SATL1: variants seen among roughly 807,000 people sequenced by gnomAD.
SATL1 encodes the protein spermidine/spermine N1-acetyl transferase like 1.
A neutral mutation model predicts 51.8 loss-of-function variants in SATL1; 47 were observed. The ratio of observed to expected loss-of-function variants is 0.91; its 90% confidence interval spans 0.72 to 1.16. The LOEUF is 1.16. Among genes scored for constraint, SATL1 ranks in the 50% most tolerant of loss-of-function variants. The pLI is 0.00. For synonymous variants in SATL1, 176 were observed against 182.4 expected, an observed-to-expected ratio of 0.97 and a Z score of 0.28; for missense variants, 520 against 526.4, an observed-to-expected ratio of 0.99 and a Z score of 0.12.
chrX:85,122,570 C>G (rs1232886532), intron 2 of SATL1, among the ~76,000 whole-genome samples: 1 of 110,715 alleles, frequency 9.0e-6, no homozygotes, highest in Non-Finnish European at 1.9e-5. Context: ...CAGAGCCTGG[C>G]ATATTGTAAG....
At chrX:85,130,802 C>T (rs1028515811) in intron 2 of SATL1, among the ~76,000 whole-genome samples, 3 of 112,036 alleles carry the variant, frequency 2.7e-5, no homozygotes, top group Non-Finnish European at 5.6e-5. Context: ...AAATTTCCCT[C>T]TACACACTGC....
At chrX:85,136,993 C>G (rs952389854) in intron 2 of SATL1, among the ~76,000 whole-genome samples, 16 of 111,459 alleles carry the variant, frequency 1.4e-4, no homozygotes, top group Non-Finnish European at 2.1e-4. Flanking sequence ...TGTTTAAATA[C>G]TACTGGGAAG....
At chrX:85,166,155 A>G (rs2147731272) in intron 2 of SATL1, among the ~76,000 whole-genome samples, 1 of 111,640 alleles carries the variant, frequency 9.0e-6, no homozygotes, top group East Asian at 2.8e-4. Flanking sequence ...TAAATCTAAG[A>G]CCCCAAACCA....
intron 2 of SATL1, among the ~76,000 whole-genome samples, chrX:85,172,088 CCAATTATCTTATATCTTCTTTCCTT>C (rs1236659890): frequency 9.0e-6 from 1 of 111,314 alleles, no homozygotes; most frequent in Non-Finnish European, 1.9e-5. Context: ...AAATTATCAA[CCAATTATCTTATATCTTCTTTCCTT>C]CAATTATCTT....
chrX:85,147,093 T>G (rs893907078), intron 2 of SATL1, among the ~76,000 whole-genome samples: 2 of 114,008 alleles, frequency 1.8e-5, no homozygotes. Flanking sequence ...GGACGGCACC[T>G]GGAAAATCGG....
chrX:85,122,539 T>C (rs1925530782), intron 2 of SATL1, among the ~76,000 whole-genome samples: 2 of 111,532 alleles, frequency 1.8e-5, no homozygotes, highest in Non-Finnish European at 3.8e-5. Context: ...ACCCTGCCTG[T>C]GTTGCTTACC....
chrX:85,093,144 A>G, intron 7 of SATL1, 41 bp downstream of exon 7: 4 of 1,101,249 alleles, frequency 3.6e-6, no homozygotes, highest in Non-Finnish European at 4.9e-6. Context: ...TATTAAGAAA[A>G]GGTTAATGTA....
At chrX:85,105,130 T>C (rs1209600019) in intron 3 of SATL1, among the ~76,000 whole-genome samples, 2 of 111,831 alleles carry the variant, frequency 1.8e-5, no homozygotes, top group Non-Finnish European at 3.8e-5. Flanking sequence ...TGACTGGAAT[T>C]GCATTAAACT....
intron 2 of SATL1, among the ~76,000 whole-genome samples, chrX:85,162,624 C>T: frequency 9.0e-6 from 1 of 111,246 alleles, no homozygotes; most frequent in Middle Eastern, 4.6e-3. Context: ...TTTCAGTTCT[C>T]ATTGGGAATG....
chrX:85,117,873 A>C (rs910235664), intron 2 of SATL1, among the ~76,000 whole-genome samples: 1 of 110,542 alleles, frequency 9.0e-6, no homozygotes, highest in Non-Finnish European at 1.9e-5. Flanking sequence ...TCTTTTCCAG[A>C]TATCATCAGC....
intron 4 of SATL1, among the ~76,000 whole-genome samples, chrX:85,100,417 ATAAAT>A (rs1486838428): frequency 8.9e-6 from 1 of 111,851 alleles, no homozygotes; most frequent in African/African-American, 3.2e-5. Context: ...AAACCAAAAA[ATAAAT>A]TAAGAAAGCA....
intron 2 of SATL1, among the ~76,000 whole-genome samples, chrX:85,172,872 A>G (rs915995835): frequency 1.8e-5 from 2 of 111,029 alleles, no homozygotes; most frequent in Non-Finnish European, 3.8e-5. Flanking sequence ...TTAGTTTTGT[A>G]CCTCTATAAG....
At chrX:85,217,523 G>C (rs986889498) in intron 2 of SATL1, among the ~76,000 whole-genome samples, 1 of 111,379 alleles carries the variant, frequency 9.0e-6, no homozygotes, top group African/African-American at 3.3e-5. Flanking sequence ...AGTTCCTTAG[G>C]AAAAGCCGTG....
chrX:85,137,665 C>G (rs1925995984), intron 2 of SATL1, among the ~76,000 whole-genome samples: 1 of 111,622 alleles, frequency 9.0e-6, no homozygotes, highest in South Asian at 3.7e-4. Flanking sequence ...GCTTAGTATT[C>G]TCTGAGATTC....
At chrX:85,204,101 G>A (rs893838118) in intron 2 of SATL1, among the ~76,000 whole-genome samples, 8 of 111,724 alleles carry the variant, frequency 7.2e-5, no homozygotes, top group African/African-American at 2.6e-4. Context: ...GAGTGGGTTT[G>A]CAAGGAGATC....
intron 2 of SATL1, among the ~76,000 whole-genome samples, chrX:85,215,449 T>A (rs1402966638): frequency 8.9e-6 from 1 of 112,229 alleles, no homozygotes; most frequent in Non-Finnish European, 1.9e-5. Flanking sequence ...ATGGCCAGGC[T>A]GCAAATTTTC....
intron 2 of SATL1, among the ~76,000 whole-genome samples, chrX:85,115,796 A>G (rs1925371061): frequency 9.0e-6 from 1 of 111,519 alleles, no homozygotes; most frequent in Non-Finnish European, 1.9e-5. Context: ...GACATTGCAC[A>G]GTTTTAGGCT....
intron 2 of SATL1, among the ~76,000 whole-genome samples, chrX:85,125,077 C>A (rs917211764): frequency 6.3e-5 from 7 of 110,461 alleles, no homozygotes; most frequent in African/African-American, 1.6e-4. Flanking sequence ...CTGTTTCAGG[C>A]AGTTCTTCCT....
chrX:85,122,881 G>T (rs1925537720), intron 2 of SATL1, among the ~76,000 whole-genome samples: 1 of 111,417 alleles, frequency 9.0e-6, no homozygotes, highest in South Asian at 3.8e-4. Context: ...TCAATGTTTA[G>T]CCCCCACTGA....
Sources: allele counts gnomAD v4.1 joint callset (sites outside exome capture counted in the v4.1 genomes callset), GRCh38; gene constraint gnomAD v4.1.1; transcripts MANE v1.5; gene names NCBI Gene and HGNC (gene_info 2026-07-23, HGNC 2026-07-21).